Variants in RASA3 observed in about 807,000 individuals in gnomAD.
The protein encoded by RASA3 is RAS p21 protein activator 3.
RASA3 carries 73 observed loss-of-function variants against 110.0 expected under a neutral mutation model. That is an observed-to-expected ratio of 0.66 (90% CI 0.55 to 0.81). RASA3 has a LOEUF of 0.81. RASA3 is among the 30% of genes least tolerant of loss of function. The probability of loss-of-function intolerance (pLI) is 0.00; values close to 1 mark genes in which losing one functional copy is unlikely to be tolerated. For synonymous variants in RASA3, 500 were observed against 451.4 expected (o/e 1.11, Z -1.37); for missense variants, 976 against 1,113.2 (o/e 0.88, Z 1.75).
Position 114,087,479 on chromosome 13 carries a change from C to T in RASA3, c.56-13642G>A, listed in dbSNP as rs148710910. On this transcript the variant is annotated intron_variant, in intron 1 of 23. Coordinates refer to ENST00000334062, the MANE Select transcript of RASA3 (RefSeq NM_007368.4). The stretch of plus-strand genomic sequence containing the variant: ...CGCAGAGACCTCCTGGAGATGGGCG[C>T]GCTACACGAGCTTTTGAAATGAGCA... Among the ~76,000 whole-genome samples the T allele has an allele frequency of 1.4e-4, 22 of 152,348 alleles. No individual in the cohort carries two copies. The East Asian group carries it at 2.3e-3, about 16-fold the overall frequency.
intron 1 of RASA3, 26 bp downstream of exon 1, chr13:114,132,409 A>G: frequency 6.6e-7 from 1 of 1,506,714 alleles, no homozygotes; most frequent in African/African-American, 1.4e-5. Flanking sequence ...GGGGGGTCGG[A>G]CGCGTGGCTG....
chr13:113,983,522 C>T (rs2052982962), intron 22 of RASA3, among the ~76,000 whole-genome samples: 1 of 99,744 alleles, frequency 1.0e-5, no homozygotes, highest in Non-Finnish European at 2.3e-5. Context: ...AACTCAAAGG[C>T]TGGTTGAGTT....
chr13:114,097,998 G>A (rs986283716), intron 1 of RASA3, among the ~76,000 whole-genome samples: 2 of 152,186 alleles, frequency 1.3e-5, no homozygotes, highest in African/African-American at 4.8e-5. Context: ...GGGCCCAGAT[G>A]GAGACCTCAG....
chr13:113,995,429 T>A (rs1456495304), intron 21 of RASA3, among the ~76,000 whole-genome samples: 1 of 152,248 alleles, frequency 6.6e-6, no homozygotes, highest in Non-Finnish European at 1.5e-5. Context: ...TGGCCCAGCA[T>A]GGAGCACAGC....
chr13:114,003,046 C>G (rs2053439511), intron 18 of RASA3, among the ~76,000 whole-genome samples: 1 of 152,236 alleles, frequency 6.6e-6, no homozygotes, highest in South Asian at 2.1e-4. Flanking sequence ...CACCCCCACA[C>G]ATGGACGAAC....
chr13:114,066,211 C>T lies in RASA3; in HGVS notation c.173+7509G>A, dbSNP rs1473843207. 3.3e-5 allele frequency among the ~76,000 whole-genome samples: 5 copies of T among 152,214 alleles called. No homozygotes were observed. In the South Asian group the frequency reaches 6.2e-4, roughly 19 times the overall value. ...ACCATCCTTACAAACAAATGAAAAT[C>T]GGCTGGGTCTTTAGGGCCCGGCCAC... On this transcript the variant is annotated intron_variant, in intron 2 of 23. Coordinates refer to ENST00000334062, the MANE Select transcript of RASA3 (RefSeq NM_007368.4).
rs571503891 is a variant in RASA3 at position 114,115,580 on chromosome 13, C to T, written c.55+16855G>A. 1.3e-5 allele frequency among the ~76,000 whole-genome samples: 2 copies of T among 152,332 alleles called. No individual in the cohort carries two copies. Among genetic ancestry groups the T allele is most frequent in the East Asian group, 3.9e-4 (2 of 5,184 alleles). The stretch of plus-strand genomic sequence containing the variant: ...GAGTGCAGGCCTCGAAGCAGCTGGT[C>T]ATGTCCACGCCCTCTGCAGGCCTCG... On this transcript the variant is annotated intron_variant, in intron 1 of 23. Coordinates refer to ENST00000334062, the MANE Select transcript of RASA3 (RefSeq NM_007368.4). This position sits in a 1 kb window ranked among gnomAD's most constrained non-coding sequence, Gnocchi z 5.0.
intron 23 of RASA3, among the ~76,000 whole-genome samples, chr13:113,980,345 C>A (rs1413513664): frequency 6.8e-6 from 1 of 147,804 alleles, no homozygotes; most frequent in Admixed American, 6.7e-5. Flanking sequence ...CATGTGTGCA[C>A]CTCCTGCCAT....
At chr13:114,018,621 C>G in intron 10 of RASA3, 142 bp downstream of exon 10, 1 of 1,095,954 alleles carries the variant, frequency 9.1e-7, no homozygotes, top group Non-Finnish European at 1.3e-6. Flanking sequence ...GGCATCTGGA[C>G]GGGAAACAGG....
chr13:114,011,319 G>T lies in RASA3; in HGVS notation c.1513-71C>A. The T allele has an allele frequency of 7.4e-7, 1 of 1,360,422 alleles. No individual in the cohort carries two copies. The highest frequency in any genetic ancestry group is 1.0e-6 in the Non-Finnish European group (1 of 963,054). The allele number at this position is 1,360,422 out of a possible 1,614,324, so 84.3% of individuals were successfully genotyped here. A position where few individuals can be genotyped will look rare whatever the true frequency, so the allele number is the denominator to read the frequency against. On this transcript the variant is annotated intron_variant, in intron 15 of 23. Coordinates refer to ENST00000334062, the MANE Select transcript of RASA3 (RefSeq NM_007368.4). The surrounding 1 kb of genome is among the most constrained non-coding windows in gnomAD (Gnocchi z 4.8). The stretch of plus-strand genomic sequence containing the variant: ...TGCTGTGACTGTCCCAGATCGAGGG[G>T]ACGAAATGCAGGAGTCACCTCAGAG...
rs925030630 is a variant in RASA3 at position 114,004,356 on chromosome 13, CAAACAACTT to C, written c.1742+3168_1742+3176del. Reference sequence around the variant, plus strand: ...TAACAGCCACAATTTAGAAGGAACTCAAACAACTTAACAAAAAAAATAAAAATTAAAAAA... The same window carrying C: ...TAACAGCCACAATTTAGAAGGAACTCAACAAAAAAAATAAAAATTAAAAAA... On this transcript the variant is annotated intron_variant, in intron 18 of 23. Coordinates refer to ENST00000334062, the MANE Select transcript of RASA3 (RefSeq NM_007368.4). 1.1e-3 allele frequency among the ~76,000 whole-genome samples: 37 copies of C among 33,078 alleles called. No individual in the cohort carries two copies. The South Asian group carries it at 0.013, about 12-fold the overall frequency. The allele number at this position is 33,078 out of a possible 152,430, so 21.7% of individuals were successfully genotyped here. A position where few individuals can be genotyped will look rare whatever the true frequency, so the allele number is the denominator to read the frequency against.
chr13:114,078,256 C>CA, intron 1 of RASA3, among the ~76,000 whole-genome samples: 1 of 152,356 alleles, frequency 6.6e-6, no homozygotes, highest in Non-Finnish European at 1.5e-5. Context: ...CACCGCACCC[C>CA]AAACAGTTCA....
At chr13:114,105,645 C>T (rs889311519) in intron 1 of RASA3, among the ~76,000 whole-genome samples, 1 of 152,240 alleles carries the variant, frequency 6.6e-6, no homozygotes, top group South Asian at 2.1e-4. Context: ...TTCACCCAGC[C>T]TGAGGCTGGA....
Position 114,017,265 on chromosome 13 carries a change from T to A in RASA3, c.1178A>T (p.His393Leu), listed in dbSNP as rs376881796. 1.9e-6 allele frequency: 3 copies of A among 1,613,608 alleles called. No homozygotes were observed. Among genetic ancestry groups the A allele is most frequent in the African/African-American group, 1.3e-5 (1 of 74,914 alleles). Residue 393 changes from histidine to leucine, a missense_variant, in exon 12 of 24, where the codon CAT becomes CTT. His to Leu is a moderately conservative substitution (Grantham distance 99). Around this residue, in one of 4 missense-constraint regions of RASA3, gnomAD observed 732 missense variants for 779.7 expected, o/e 0.94. Transcript: ENST00000334062. ...CTCGATGGCGGGCTTCAGGGTGACA[T>A]GCAGGTAATGCATCCCCGCCAGCTT... The part of the protein sequence containing the change: ...TMKLAGMHYL[H>L]VTLKPAIEEI...
chr13:114,032,615 GC>G (rs1184461990), intron 4 of RASA3, among the ~76,000 whole-genome samples: 2 of 151,840 alleles, frequency 1.3e-5, no homozygotes, highest in African/African-American at 2.4e-5. Context: ...CGTCGGTGCA[GC>G]CCCACGGCAC....
chr13:114,056,819 G>A lies in RASA3; in HGVS notation c.174-4664C>T, dbSNP rs965791224. On this transcript the variant is annotated intron_variant, in intron 2 of 23. Transcript: ENST00000334062. This position sits in a 1 kb window ranked among gnomAD's most constrained non-coding sequence, Gnocchi z 5.7. ...CGTGCCCCTTTCTAAATGTAAAAGC[G>A]GTTTATAGCAACACAGCATGGCCCT... The A allele has an allele frequency of 6.0e-5, 26 of 429,824 alleles. No individual in the cohort carries two copies. The East Asian group carries it at 1.4e-3, about 23-fold the overall frequency. The allele number at this position is 429,824 out of a possible 1,614,324, so 26.6% of individuals were successfully genotyped here.
At chr13:114,008,940 C>T (rs537143115) in intron 17 of RASA3, among the ~76,000 whole-genome samples, 8 of 99,380 alleles carry the variant, frequency 8.0e-5, no homozygotes, top group South Asian at 6.8e-4. Flanking sequence ...CAGAGCCCTG[C>T]GGTCTGGATG....
intron 3 of RASA3, among the ~76,000 whole-genome samples, chr13:114,043,635 G>A (rs546988890): frequency 1.3e-5 from 2 of 152,192 alleles, no homozygotes; most frequent in East Asian, 1.9e-4. Flanking sequence ...CACCACTGAG[G>A]GCAGGCGAGA....
chr13:114,002,203 G>A (rs577998605), intron 18 of RASA3, among the ~76,000 whole-genome samples: 6 of 152,360 alleles, frequency 3.9e-5, no homozygotes, highest in Admixed American at 2.0e-4. Context: ...CGGGGGAGAC[G>A]CACCTCGACA....
Sources: gnomAD v4.1 joint callset for allele counts (sites outside exome capture counted in the v4.1 genomes callset) on GRCh38, gnomAD v4.1.1 for gene constraint, gnomAD v4.1.1 regional missense constraint, Gnocchi (gnomAD v3.1) non-coding constraint, MANE v1.5 for transcripts, NCBI Gene and HGNC (gene_info 2026-07-23, HGNC 2026-07-21) for gene names.